The following TBC1D1 variants were observed in gnomAD, a reference collection of about 807,000 sequenced individuals.
The protein encoded by TBC1D1 is TBC1 (tre-2/USP6, BUB2, cdc16) domain family, member 1.
In TBC1D1, 89 loss-of-function variants were observed where a neutral mutation model predicts 125.6. The observed-to-expected ratio is 0.71, with a 90% CI of 0.60 to 0.85. The LOEUF (loss-of-function observed/expected upper bound fraction) is 0.85, where lower values mean the gene tolerates loss of function less well. Among genes scored for constraint, TBC1D1 ranks in the 40% least tolerant of loss-of-function variants. TBC1D1 has a pLI of 0.00. For synonymous variants in TBC1D1, 565 were observed against 564.1 expected (o/e 1.00, Z -0.02); for missense variants, 1,377 against 1,469.2 (o/e 0.94, Z 1.03).
chr4:38,111,683 G>T (rs946614520), intron 15 of TBC1D1, among the ~76,000 whole-genome samples: 9 of 152,182 alleles, frequency 5.9e-5, no homozygotes, highest in African/African-American at 1.9e-4. Flanking sequence ...AGTAGGAAAA[G>T]CAGGGGGAGG....
intron 15 of TBC1D1, among the ~76,000 whole-genome samples, chr4:38,105,258 G>A (rs1478705721): frequency 1.3e-5 from 2 of 151,864 alleles, no homozygotes; most frequent in Non-Finnish European, 2.9e-5. Context: ...CTTCACCTTG[G>A]GCCAAATGTT....
At chr4:37,922,822 T>G (rs1721293934) in intron 2 of TBC1D1, among the ~76,000 whole-genome samples, 1 of 152,148 alleles carries the variant, frequency 6.6e-6, no homozygotes, top group South Asian at 2.1e-4. Context: ...GGGGTGGGCT[T>G]GTGATCCAAA....
chr4:37,972,112 T>A (rs543721537), intron 2 of TBC1D1, among the ~76,000 whole-genome samples: 1 of 152,316 alleles, frequency 6.6e-6, no homozygotes, highest in South Asian at 2.1e-4. Context: ...TATCAGTGTC[T>A]TTGAGCAATG....
At chr4:38,079,928 G>A (rs755376377) in intron 12 of TBC1D1, among the ~76,000 whole-genome samples, 1 of 152,192 alleles carries the variant, frequency 6.6e-6, no homozygotes. Flanking sequence ...AGTGCTGAAC[G>A]CCAAAGGCCA....
chr4:38,052,117 T>G (rs1750673145), intron 11 of TBC1D1, 57 bp downstream of exon 12: 2 of 1,520,864 alleles, frequency 1.3e-6, no homozygotes, highest in East Asian at 2.5e-5. Context: ...GAGTTCACAC[T>G]GATGAGGATG....
chr4:37,980,742 C>T (rs1206850320), intron 2 of TBC1D1, among the ~76,000 whole-genome samples: 1 of 152,110 alleles, frequency 6.6e-6, no homozygotes, highest in African/African-American at 2.4e-5. Context: ...AAGTACTTAA[C>T]TGTGTATTTA....
chr4:37,989,909 T>G (rs2152385301), intron 2 of TBC1D1, among the ~76,000 whole-genome samples: 1 of 152,358 alleles, frequency 6.6e-6, no homozygotes, highest in Non-Finnish European at 1.5e-5. Context: ...GCTGTTAGAC[T>G]CCAGAAAATA....
At chr4:38,057,176 A>G (rs1278838758) in intron 12 of TBC1D1, among the ~76,000 whole-genome samples, 1 of 152,054 alleles carries the variant, frequency 6.6e-6, no homozygotes, top group Non-Finnish European at 1.5e-5. Context: ...AGAGATCACC[A>G]TCCATGTCCA....
chr4:38,063,984 C>T (rs535456223), intron 12 of TBC1D1, among the ~76,000 whole-genome samples: 1 of 152,184 alleles, frequency 6.6e-6, no homozygotes, highest in Non-Finnish European at 1.5e-5. Context: ...TTGTCACTTG[C>T]CAATCTACTG....
rs572621476 is a variant in TBC1D1, at chr4:38,078,327, G to A, written c.2051-11605G>A. Among the ~76,000 whole-genome samples, 4 of 152,178 alleles carry A rather than the reference G, an allele frequency of 2.6e-5. No homozygotes were observed. The East Asian group carries it at 7.7e-4, about 29-fold the overall frequency. ...TTTAAACATATTCCTTTTTTCTTAG[G>A]TACAGATTGAACTTTTTTAAAAGGG... On this transcript the variant is annotated intron_variant, in intron 12 of 19. Transcript: ENST00000261439.
intron 8 of TBC1D1, among the ~76,000 whole-genome samples, chr4:38,037,076 T>C (rs756320753): frequency 6.6e-6 from 1 of 152,136 alleles, no homozygotes; most frequent in Non-Finnish European, 1.5e-5. Flanking sequence ...CAACAGGAAA[T>C]TGATAATTTT....
rs1257422898 is a variant in TBC1D1 at position 38,115,854 on chromosome 4, T to C, written c.2702T>C (p.Leu901Pro). 11 of 1,614,240 alleles carry C rather than the reference T, an allele frequency of 6.8e-6. No individual in the cohort carries two copies. Among genetic ancestry groups the C allele is most frequent in the Non-Finnish European group, 9.3e-6 (11 of 1,180,044 alleles). ...CTCAGCTTTGTAGCAGGCATTTTGC[T>C]TCTTCATATGAGTGAGGAAGAGGCG... is the stretch of plus-strand genomic sequence containing the variant. The change falls in exon 16 of 20, where the codon CTT (leucine) becomes CCT (proline). Residue 901 changes from leucine (L) to proline (P), a missense_variant. By Grantham distance (98) the Leu-to-Pro change is moderately conservative. Around this residue, in one of 3 missense-constraint regions of TBC1D1, gnomAD observed 543 missense variants for 613.5 expected, o/e 0.89. Transcript: ENST00000261439.
intron 2 of TBC1D1, among the ~76,000 whole-genome samples, chr4:37,956,337 C>T (rs1157154188): frequency 6.6e-6 from 1 of 152,116 alleles, no homozygotes; most frequent in Non-Finnish European, 1.5e-5. Flanking sequence ...TTCTAATACA[C>T]TATGCCATTT....
chr4:38,106,601 G>A (rs904024131), intron 15 of TBC1D1, among the ~76,000 whole-genome samples: 3 of 152,142 alleles, frequency 2.0e-5, no homozygotes, highest in South Asian at 2.1e-4. Flanking sequence ...AGACAGCCCC[G>A]CTCCCCACAC....
rs531818640 is a variant in TBC1D1 at position 37,949,607 on chromosome 4, C to T, written c.417+47095C>T. Among the ~76,000 whole-genome samples, 6 of 152,342 alleles carry T rather than the reference C, an allele frequency of 3.9e-5. No individual in the cohort carries two copies. The East Asian group carries it at 7.7e-4, about 20-fold the overall frequency. On this transcript the variant is annotated intron_variant, in intron 2 of 19. Transcript: ENST00000261439. ...CTTAGCAGTGCTAGGGATCTAATCA[C>T]TCCAGGGCAACCCTAAACTGTTGAA...
At chr4:38,049,512 G>C in intron 10 of TBC1D1, 106 bp from the exon 11 acceptor site, 1 of 1,360,476 alleles carries the variant, frequency 7.4e-7, no homozygotes. Flanking sequence ...ATTATAATCA[G>C]AACACATACT....
intron 2 of TBC1D1, among the ~76,000 whole-genome samples, chr4:37,963,847 A>G (rs1246573279): frequency 6.6e-6 from 1 of 152,254 alleles, no homozygotes. Context: ...CTTGTAGATT[A>G]GGAATGATAT....
chr4:38,106,668 C>T (rs1356939743), intron 15 of TBC1D1, among the ~76,000 whole-genome samples: 1 of 152,194 alleles, frequency 6.6e-6, no homozygotes. Context: ...GATTCAGTCA[C>T]CTTCTTCTCT....
intron 2 of TBC1D1, among the ~76,000 whole-genome samples, chr4:37,906,445 G>T (rs59208148): frequency 0.2 from 30,287 of 152,074 alleles, 3,369 homozygotes; most frequent in East Asian, 0.27. Flanking sequence ...ACCACACCTG[G>T]CCTCATCCTT....
Sources: allele counts gnomAD v4.1 joint callset (sites outside exome capture counted in the v4.1 genomes callset), GRCh38; gene constraint gnomAD v4.1.1; regional missense constraint gnomAD v4.1.1; transcripts MANE v1.5; gene names NCBI Gene and HGNC (gene_info 2026-07-23, HGNC 2026-07-21).